The following CCDC171 variants were observed in gnomAD, a reference collection of about 807,000 sequenced individuals.
The protein encoded by CCDC171 is coiled-coil domain containing 171.
Under a neutral mutation model 168.2 loss-of-function variants are expected in CCDC171, and 177 were observed. That is an observed-to-expected ratio of 1.05 (90% CI 0.93 to 1.19). The LOEUF (loss-of-function observed/expected upper bound fraction) is 1.19. Among genes scored for constraint, CCDC171 ranks in the 50% most tolerant of loss-of-function variants. CCDC171 has a pLI of 0.00. For missense variants in CCDC171, 1,991 were observed against 1,539.0 expected, an observed-to-expected ratio of 1.29 and a Z score of -4.91; for synonymous variants, 687 against 540.8, an observed-to-expected ratio of 1.27 and a Z score of -3.75.
intron 21 of CCDC171, among the ~76,000 whole-genome samples, chr9:15,821,870 C>T (rs1273014294): frequency 3.9e-5 from 2 of 51,818 alleles, no homozygotes; most frequent in Non-Finnish European, 9.5e-5. Context: ...GAGCCCGCAT[C>T]GCCAAGTCAA....
At chr9:16,079,044 C>T in the CCDC171 span, among the ~76,000 whole-genome samples, 1 of 152,226 alleles carries the variant, frequency 6.6e-6, no homozygotes, top group Non-Finnish European at 1.5e-5. Flanking sequence ...ACTTTTACTG[C>T]TCTAACCTAT....
At chr9:15,897,934 A>C (rs1821120656) in intron 24 of CCDC171, among the ~76,000 whole-genome samples, 1 of 152,188 alleles carries the variant, frequency 6.6e-6, no homozygotes, top group South Asian at 2.1e-4. Context: ...GCTCTTTATT[A>C]ACTGGGTGAC....
intron 3 of CCDC171, among the ~76,000 whole-genome samples, chr9:15,979,557 T>C (rs1341443714): frequency 6.6e-6 from 1 of 152,170 alleles, no homozygotes; most frequent in African/African-American, 2.4e-5. Context: ...CATGTGGTTT[T>C]TGTCCTGTAT....
downstream of CCDC171, among the ~76,000 whole-genome samples, chr9:16,065,737 C>T (rs934875119): frequency 6.6e-6 from 1 of 151,872 alleles, no homozygotes; most frequent in Non-Finnish European, 1.5e-5. Flanking sequence ...AACTCAGTAG[C>T]TTATTTGCTT....
chr9:15,622,223 A>T (rs1421080434), intron 6 of CCDC171, among the ~76,000 whole-genome samples: 1 of 152,200 alleles, frequency 6.6e-6, no homozygotes, highest in Non-Finnish European at 1.5e-5. Flanking sequence ...TGTACAACAC[A>T]TCCCTGTGAC....
At chr9:15,570,614 T>C (rs2131056586) in intron 2 of CCDC171, among the ~76,000 whole-genome samples, 1 of 152,322 alleles carries the variant, frequency 6.6e-6, no homozygotes, top group South Asian at 2.1e-4. Flanking sequence ...TGTAGGGTTA[T>C]ATGGTTAAGC....
At chr9:15,589,835 G>T (rs2041852476) in intron 4 of CCDC171, among the ~76,000 whole-genome samples, 1 of 152,066 alleles carries the variant, frequency 6.6e-6, no homozygotes, top group African/African-American at 2.4e-5. Flanking sequence ...TAGGAGAGAA[G>T]AGATGAAAAA....
intron 10 of CCDC171, among the ~76,000 whole-genome samples, chr9:15,691,541 GTTTTTTATAT>G (rs1255348475): frequency 1.1e-4 from 13 of 114,826 alleles, no homozygotes; most frequent in South Asian, 5.9e-4. Context: ...GTAAATATAT[GTTTTTTATAT>G]ATATATATAT....
chr9:15,633,126 T>A (rs1015055484), intron 7 of CCDC171, among the ~76,000 whole-genome samples: 2 of 152,040 alleles, frequency 1.3e-5, no homozygotes, highest in South Asian at 4.1e-4. Flanking sequence ...GGACTTCATG[T>A]CTGAAACACC....
chr9:15,929,590 C>A (rs1194800463), intron 25 of CCDC171, among the ~76,000 whole-genome samples: 1 of 151,776 alleles, frequency 6.6e-6, no homozygotes, highest in Non-Finnish European at 1.5e-5. Context: ...CTAAGCCTTA[C>A]TGTTTCTACC....
rs1036562519 is a variant in CCDC171 at position 15,907,880 on chromosome 9, T to C, written c.3601-12390T>C. ...GACACTTCTCAAAAGGAGACACTTA[T>C]GCAGCCAACAGACACATGAAAAAAT... On this transcript the variant is annotated intron_variant, in intron 24 of 25. Coordinates refer to ENST00000380701, the MANE Select transcript of CCDC171 (RefSeq NM_173550.4). Among the ~76,000 whole-genome samples, 9 of 152,374 alleles carry C rather than the reference T, an allele frequency of 5.9e-5. No individual in the cohort carries two copies. In the South Asian group the frequency reaches 1.2e-3, roughly 21 times the overall value.
intron 25 of CCDC171, among the ~76,000 whole-genome samples, chr9:15,968,765 C>G (rs1358209061): frequency 6.6e-6 from 1 of 152,118 alleles, no homozygotes; most frequent in Non-Finnish European, 1.5e-5. Flanking sequence ...TCTCCAATTC[C>G]TGACCTCAGG....
Position 15,675,611 on chromosome 9 carries a change from T to A in CCDC171, c.1077-3147T>A, listed in dbSNP as rs887451207. 1.1e-4 allele frequency among the ~76,000 whole-genome samples: 16 copies of A among 152,282 alleles called. No individual in the cohort carries two copies. In the South Asian group the frequency reaches 1.5e-3, roughly 14 times the overall value. On this transcript the variant is annotated intron_variant, in intron 9 of 25. Transcript: ENST00000380701. Reference sequence around the variant, plus strand: ...AGCATTTGTTTGTCTGAAAAGGATTTTATTTCTCCTTCACTTATGAAGTTT... The same window carrying A: ...AGCATTTGTTTGTCTGAAAAGGATTATATTTCTCCTTCACTTATGAAGTTT...
At chr9:15,743,663 A>G (rs1369537729) in intron 16 of CCDC171, among the ~76,000 whole-genome samples, 2 of 152,342 alleles carry the variant, frequency 1.3e-5, no homozygotes, top group African/African-American at 4.8e-5. Context: ...CCCAGCTCAC[A>G]ATTAGTATTT....
chr9:15,954,669 AT>A (rs34479869), intron 25 of CCDC171, among the ~76,000 whole-genome samples: 11 of 146,540 alleles, frequency 7.5e-5, no homozygotes, highest in Admixed American at 1.4e-4. Flanking sequence ...ATGCTTGTTG[AT>A]TTTTTTTTTG....
At chr9:15,890,222 A>G (rs1311519618) in intron 24 of CCDC171, among the ~76,000 whole-genome samples, 1 of 152,020 alleles carries the variant, frequency 6.6e-6, no homozygotes, top group East Asian at 1.9e-4. Context: ...GTTGAGACTG[A>G]TATGAAATGA....
chr9:15,792,786 C>A (rs1485667282), intron 21 of CCDC171, among the ~76,000 whole-genome samples: 1 of 152,140 alleles, frequency 6.6e-6, no homozygotes, highest in African/African-American at 2.4e-5. Context: ...CAGATTTTGT[C>A]ACCACTAGGC....
intron 3 of CCDC171, among the ~76,000 whole-genome samples, chr9:15,981,433 G>A (rs1194476060): frequency 2.0e-5 from 3 of 152,134 alleles, no homozygotes; most frequent in African/African-American, 7.2e-5. Flanking sequence ...TGAAATAAAT[G>A]TTCATTGCTT....
intron 23 of CCDC171, among the ~76,000 whole-genome samples, chr9:15,856,663 A>G (rs1257729030): frequency 6.6e-6 from 1 of 152,026 alleles, no homozygotes; most frequent in Non-Finnish European, 1.5e-5. Flanking sequence ...ACTGAAGTGA[A>G]CTTGGGAGTG....
Sources: allele counts gnomAD v4.1 joint callset (sites outside exome capture counted in the v4.1 genomes callset), GRCh38; gene constraint gnomAD v4.1.1; transcripts MANE v1.5; gene names NCBI Gene and HGNC (gene_info 2026-07-23, HGNC 2026-07-21).